Variants in ZNF3 observed in about 807,000 individuals in gnomAD.
ZNF3 encodes the protein zinc finger protein 3.
A neutral mutation model predicts 36.9 loss-of-function variants in ZNF3; 16 were observed. That is an observed-to-expected ratio of 0.43 (90% CI 0.29 to 0.66). The LOEUF (loss-of-function observed/expected upper bound fraction) is 0.66, where lower values mean the gene tolerates loss of function less well. Ranked by LOEUF, ZNF3 falls within the 30% of genes least tolerant of loss-of-function variation. The pLI is 0.13. For synonymous variants in ZNF3, 201 were observed against 201.9 expected (o/e 1.00, Z 0.04); for missense variants, 462 against 543.1 (o/e 0.85, Z 1.48).
Position 100,075,591 on chromosome 7 carries a change from C to A in ZNF3, c.95G>T (p.Ser32Ile). The A allele has an allele frequency of 6.2e-7, 1 of 1,614,160 alleles. No homozygotes were observed. Among genetic ancestry groups the A allele is most frequent in the Non-Finnish European group, 8.5e-7 (1 of 1,180,020 alleles). ...AGCCGCCAACATCTCATCCCCCAGG[C>A]TGTCCTTGTCGGAAAAGGCAGGAAC... Reference protein sequence around the residue: ...SKVPAFSDKDSLGDEMLAAAL... With the variant: ...SKVPAFSDKDILGDEMLAAAL... Residue 32 changes from serine to isoleucine, a missense_variant, in exon 4 of 6, where the codon AGC becomes ATC. By Grantham distance (142) the Ser-to-Ile change is moderately radical (BLOSUM62 -2). Transcript: ENST00000299667.
rs572301735 is a variant in ZNF3, at chr7:100,072,788, C to A, written c.272-576G>T. On this transcript the variant is annotated intron_variant, in intron 5 of 5. Coordinates refer to ENST00000299667, the MANE Select transcript of ZNF3 (RefSeq NM_032924.5). Reference sequence around the variant, plus strand: ...ACTGAGTCCGCCTCTGGGCCCTATGCATAAAAGGCTATGCTCGCACGTAAG... The same window carrying A: ...ACTGAGTCCGCCTCTGGGCCCTATGAATAAAAGGCTATGCTCGCACGTAAG... 2.6e-5 allele frequency among the ~76,000 whole-genome samples: 4 copies of A among 152,308 alleles called. No homozygotes were observed. The East Asian group carries it at 7.7e-4, about 29-fold the overall frequency.
In ZNF3 at chr7:100,071,785, A is replaced by G. The variant is rs1251433810; in HGVS notation, c.699T>C (p.Cys233=). 1 of 1,613,850 alleles carries G rather than the reference A, an allele frequency of 6.2e-7. No individual in the cohort carries two copies. The highest frequency in any genetic ancestry group is 8.5e-7 in the Non-Finnish European group (1 of 1,179,826). ...TGEKPYECNE[C]GKAFSQSSHL... ...GTGAGCTCTGGCTGAAGGCCTTCCC[A>G]CACTCATTACATTCATAGGGCTTTT... Residue 233 remains cysteine (C), a synonymous_variant, in exon 6 of 6, where the codon TGT becomes TGC. Coordinates refer to ENST00000299667, the MANE Select transcript of ZNF3 (RefSeq NM_032924.5).
downstream of ZNF3, chr7:100,065,021 A>T: frequency 7.1e-7 from 1 of 1,404,984 alleles, no homozygotes; most frequent in Non-Finnish European, 9.8e-7. Flanking sequence ...GATTCAGAAT[A>T]AACTTATAAC....
chr7:100,070,938 T>G lies in ZNF3; in HGVS notation c.*205A>C. The G allele has an allele frequency of 7.3e-7, 1 of 1,363,912 alleles. No homozygotes were observed. Among genetic ancestry groups the G allele is most frequent in the South Asian group, 2.0e-5 (1 of 50,858 alleles). 84.5% of individuals were successfully genotyped at this position (1,363,912 alleles called of 1,614,324 possible). ...TAACTGGTCCCAGAGCTGCTTTCTA[T>G]TCCCAGCACGCCATCCACTTGCCTT... On this transcript the variant is annotated 3_prime_UTR_variant, in exon 6 of 6. Coordinates refer to ENST00000299667, the MANE Select transcript of ZNF3 (RefSeq NM_032924.5).
chr7:100,070,150 GT>G lies in ZNF3; in HGVS notation c.*992del. 6 of 967,172 alleles carry G rather than the reference GT, an allele frequency of 6.2e-6. No individual in the cohort carries two copies. The South Asian group carries it at 2.0e-4, about 32-fold the overall frequency. 59.9% of individuals were successfully genotyped at this position (967,172 alleles called of 1,614,324 possible). Reference sequence around the variant, plus strand: ...GCACAGCCTGCCTTCTCTGGGCTTCGTTTTTTTGTTTTTTTGTTTTTTTTTT... The same window carrying G: ...GCACAGCCTGCCTTCTCTGGGCTTCGTTTTTTGTTTTTTTGTTTTTTTTTT... On this transcript the variant is annotated 3_prime_UTR_variant, in exon 6 of 6. Coordinates refer to ENST00000299667, the MANE Select transcript of ZNF3 (RefSeq NM_032924.5).
At chr7:100,075,975 G>A (rs1794038594) in intron 3 of ZNF3, among the ~76,000 whole-genome samples, 1 of 151,946 alleles carries the variant, frequency 6.6e-6, no homozygotes, top group Non-Finnish European at 1.5e-5. Flanking sequence ...AGCTTGGCCA[G>A]AAACATATGA....
rs1221039548 is a variant in ZNF3 at position 100,077,305 on chromosome 7, C to G, written c.53G>C (p.Ser18Thr). 6.2e-7 allele frequency: 1 copy of G among 1,613,930 alleles called. No individual in the cohort carries two copies. Among genetic ancestry groups the G allele is most frequent in the Non-Finnish European group, 8.5e-7 (1 of 1,179,970 alleles). The change falls in exon 3 of 6, where the codon AGT becomes ACT. Residue 18 changes from serine (S) to threonine (T), a missense_variant and splice_region_variant. Coordinates refer to ENST00000299667, the MANE Select transcript of ZNF3 (RefSeq NM_032924.5). ...ATGAATGAGTCCTTATTCCTCACCACTGTCAAGCAGGGCCTGAGGTTCCTG... is the reference window on the plus strand; with the variant it reads ...ATGAATGAGTCCTTATTCCTCACCAGTGTCAAGCAGGGCCTGAGGTTCCTG... ...VSQEPQALLD[S>T]ALPSKVPAFS...
downstream of ZNF3, chr7:100,063,982 A>C: frequency 1.9e-6 from 3 of 1,614,178 alleles, no homozygotes; most frequent in Non-Finnish European, 2.5e-6. Context: ...CAAGAAAGGT[A>C]GAGAATCAGT....
At chr7:100,063,855 C>T, downstream of ZNF3, 1 of 1,614,056 alleles carries the variant, frequency 6.2e-7, no homozygotes, top group Non-Finnish European at 8.5e-7. Flanking sequence ...CAGAGGGGCT[C>T]AAAGGGGATA....
At chr7:100,080,529 A>G (rs77732391) in intron 1 of ZNF3, among the ~76,000 whole-genome samples, 1 of 151,674 alleles carries the variant, frequency 6.6e-6, no homozygotes, top group Non-Finnish European at 1.5e-5. Flanking sequence ...AAAAAAAAAA[A>G]GGCCGGGCGC....
rs911882954 is a variant in ZNF3 at position 100,070,162 on chromosome 7, T to G, written c.*981A>C. 3.1e-6 allele frequency: 3 copies of G among 967,152 alleles called. No individual in the cohort carries two copies. Among genetic ancestry groups the G allele is most frequent in the Non-Finnish European group, 3.6e-6 (3 of 823,308 alleles). The allele number at this position is 967,152 out of a possible 1,614,324, so 59.9% of individuals were successfully genotyped here. ...TTCTCTGGGCTTCGTTTTTTTGTTT[T>G]TTTGTTTTTTTTTTCTCCCTTTTGG... is the stretch of plus-strand genomic sequence containing the variant. On this transcript the variant is annotated 3_prime_UTR_variant, in exon 6 of 6. Coordinates refer to ENST00000299667, the MANE Select transcript of ZNF3 (RefSeq NM_032924.5).
downstream of ZNF3, among the ~76,000 whole-genome samples, chr7:100,069,560 A>G (rs1378938577): frequency 2.0e-5 from 3 of 151,986 alleles, no homozygotes; most frequent in African/African-American, 7.2e-5. Flanking sequence ...TCAAAAAAAA[A>G]AAAAAAAAAA....
chr7:100,072,411 C>G (rs1171477010), intron 5 of ZNF3, among the ~76,000 whole-genome samples, 199 bp from the exon 6 acceptor site: 1 of 152,108 alleles, frequency 6.6e-6, no homozygotes. Flanking sequence ...AGAGCAAAAC[C>G]AAGGAGAACA....
In ZNF3 at chr7:100,070,641, A is replaced by G. The variant is rs75896568; in HGVS notation, c.*502T>C. The G allele has an allele frequency of 1.8e-3, 1,761 of 989,808 alleles. 23 individuals carry two copies. The African/African-American group carries it at 0.029, about 16-fold the overall frequency. 61.3% of individuals were successfully genotyped at this position (989,808 alleles called of 1,614,324 possible). On this transcript the variant is annotated 3_prime_UTR_variant, in exon 6 of 6. Coordinates refer to ENST00000299667, the MANE Select transcript of ZNF3 (RefSeq NM_032924.5). Reference sequence around the variant, plus strand: ...AATAATCCCTCAATGCCAAATTTCCATAATTAACGAAATCATGAAACAAAA... The same window carrying G: ...AATAATCCCTCAATGCCAAATTTCCGTAATTAACGAAATCATGAAACAAAA...
downstream of ZNF3, among the ~76,000 whole-genome samples, chr7:100,065,688 G>A (rs1792617185): frequency 6.6e-6 from 1 of 151,776 alleles, no homozygotes; most frequent in Non-Finnish European, 1.5e-5. Flanking sequence ...AGGGCAGGGT[G>A]TGCAGGAGTT....
At chr7:100,075,732 A>G in intron 3 of ZNF3, 102 bp from the exon 4 acceptor site, 1 of 1,049,270 alleles carries the variant, frequency 9.5e-7, no homozygotes, top group Non-Finnish European at 1.4e-6. Context: ...TCCTGGGACA[A>G]CACAGGACCC....
chr7:100,073,235 A>C (rs966667827), intron 5 of ZNF3, among the ~76,000 whole-genome samples: 12 of 152,192 alleles, frequency 7.9e-5, no homozygotes, highest in African/African-American at 2.9e-4. Flanking sequence ...AAGGTCTCAA[A>C]TGAGAGTTAG....
downstream of ZNF3, chr7:100,064,980 G>C (rs1792573271): frequency 1.4e-5 from 22 of 1,586,636 alleles, no homozygotes; most frequent in Non-Finnish European, 1.9e-5. Context: ...AATTTGTAAA[G>C]AATTGAGCCA....
downstream of ZNF3, chr7:100,069,950 A>T (rs1035313563): frequency 3.0e-6 from 3 of 985,792 alleles, no homozygotes; most frequent in Admixed American, 6.2e-5. Context: ...TGGTCCAAAC[A>T]TTGCACAAAA....
Sources: gnomAD v4.1 joint callset for allele counts (sites outside exome capture counted in the v4.1 genomes callset) on GRCh38, gnomAD v4.1.1 for gene constraint, MANE v1.5 for transcripts, NCBI Gene and HGNC (gene_info 2026-07-23, HGNC 2026-07-21) for gene names.